Variants in DENND1B observed in about 807,000 individuals in gnomAD.
DENND1B encodes DENN domain containing 1B.
DENND1B carries 59 observed loss-of-function variants against 90.1 expected under a neutral mutation model. The observed-to-expected ratio is 0.65, with a 90% CI of 0.53 to 0.81. The LOEUF (loss-of-function observed/expected upper bound fraction) is 0.81. DENND1B is among the 40% of genes least tolerant of loss of function. The pLI is 0.00. For missense variants in DENND1B, 862 were observed against 912.6 expected, an observed-to-expected ratio of 0.94 and a Z score of 0.71; for synonymous variants, 337 against 324.6, an observed-to-expected ratio of 1.04 and a Z score of -0.41.
chr1:197,555,940 C>T (rs1331991117), intron 15 of DENND1B, among the ~76,000 whole-genome samples: 1 of 152,080 alleles, frequency 6.6e-6, no homozygotes, highest in Non-Finnish European at 1.5e-5. Flanking sequence ...ATAGCAAAGA[C>T]ATGGATTCAA....
chr1:197,518,473 GA>G (rs1558194183), intron 20 of DENND1B, among the ~76,000 whole-genome samples: 1 of 151,862 alleles, frequency 6.6e-6, no homozygotes, highest in African/African-American at 2.4e-5. Context: ...CCTTTTTCTA[GA>G]AAACCAGGAA....
chr1:197,700,566 G>A (rs920233028), intron 3 of DENND1B, among the ~76,000 whole-genome samples: 3 of 151,986 alleles, frequency 2.0e-5, no homozygotes, highest in Non-Finnish European at 2.9e-5. Context: ...AAGACTTCAT[G>A]ACAAAAACAA....
intron 3 of DENND1B, among the ~76,000 whole-genome samples, chr1:197,694,445 T>C (rs975830901): frequency 6.6e-6 from 1 of 151,464 alleles, no homozygotes; most frequent in African/African-American, 2.4e-5. Flanking sequence ...AAAGATAAAT[T>C]TGAAATGCAA....
At chr1:197,766,243 A>C (rs906859829) in intron 2 of DENND1B, among the ~76,000 whole-genome samples, 2 of 152,062 alleles carry the variant, frequency 1.3e-5, no homozygotes, top group African/African-American at 4.8e-5. Context: ...TCACAGTTTC[A>C]TTTTCTTCAA....
At chr1:197,632,742 C>G (rs1315859192) in intron 10 of DENND1B, among the ~76,000 whole-genome samples, 3 of 152,164 alleles carry the variant, frequency 2.0e-5, no homozygotes, top group Non-Finnish European at 4.4e-5. Flanking sequence ...TCCTATTTAA[C>G]AGAAGAATGC....
intron 15 of DENND1B, among the ~76,000 whole-genome samples, chr1:197,563,535 T>G (rs1455736372): frequency 6.6e-6 from 1 of 151,880 alleles, no homozygotes; most frequent in Non-Finnish European, 1.5e-5. Flanking sequence ...AAACAAAGAC[T>G]CCTTTCAAAA....
intron 4 of DENND1B, among the ~76,000 whole-genome samples, chr1:197,672,397 T>C (rs1655605446): frequency 6.6e-6 from 1 of 151,998 alleles, no homozygotes; most frequent in Non-Finnish European, 1.5e-5. Context: ...CACTAGGAAA[T>C]CATAAGGTAG....
intron 2 of DENND1B, among the ~76,000 whole-genome samples, chr1:197,733,443 G>A (rs1458049845): frequency 6.6e-6 from 1 of 152,090 alleles, no homozygotes; most frequent in African/African-American, 2.4e-5. Context: ...TTATTTTACG[G>A]TCAGAGGTTA....
intron 15 of DENND1B, among the ~76,000 whole-genome samples, chr1:197,580,220 T>G (rs1366374526): frequency 6.7e-6 from 1 of 149,336 alleles, no homozygotes; most frequent in African/African-American, 2.5e-5. Flanking sequence ...GCCTCCCAAG[T>G]AGCTGGGATT....
chr1:197,697,646 C>T (rs965444174), intron 3 of DENND1B, among the ~76,000 whole-genome samples: 1 of 151,806 alleles, frequency 6.6e-6, no homozygotes, highest in Admixed American at 6.6e-5. Flanking sequence ...ATAGTCAAGA[C>T]CCACTGGTGT....
intron 10 of DENND1B, among the ~76,000 whole-genome samples, chr1:197,637,387 A>G (rs538575707): frequency 4.7e-4 from 71 of 152,344 alleles, no homozygotes; most frequent in Non-Finnish European, 8.1e-4. Context: ...AAAATTCTTC[A>G]TTGTGAATTA....
intron 3 of DENND1B, chr1:197,689,217 G>C (rs1358829187): frequency 6.6e-6 from 1 of 152,088 alleles, no homozygotes; most frequent in Non-Finnish European, 1.5e-5. Flanking sequence ...GAAGGCGAGG[G>C]AGGAACAAAG....
In DENND1B at chr1:197,715,047, T is replaced by C. The variant is rs760003500; in HGVS notation, c.110A>G (p.Glu37Gly). 6 of 1,611,312 alleles carry C rather than the reference T, an allele frequency of 3.7e-6. No homozygotes were observed. In the African/African-American group the frequency reaches 8.0e-5, roughly 22 times the overall value. The change falls in exon 3 of 23, where the codon GAG becomes GGG. Residue 37 changes from glutamate to glycine, a missense_variant. Physicochemically the swap from Glu to Gly is moderately conservative, Grantham distance 98. Coordinates refer to ENST00000620048, the MANE Select transcript of DENND1B (RefSeq NM_001195215.2). The part of the protein sequence containing the change: ...EDPVVLWKFP[E>G]DFGDQEILQS... Reference sequence around the variant, plus strand: ...GGTACCAACCTGGTCTCCAAAGTCCTCTGGGAATTTCCACAATACCACAGG... The same window carrying C: ...GGTACCAACCTGGTCTCCAAAGTCCCCTGGGAATTTCCACAATACCACAGG...
intron 20 of DENND1B, among the ~76,000 whole-genome samples, chr1:197,527,629 C>T (rs998385530): frequency 2.0e-5 from 3 of 152,048 alleles, no homozygotes; most frequent in African/African-American, 7.2e-5. Flanking sequence ...AACATTTCAG[C>T]TTGATAACAG....
intron 15 of DENND1B, among the ~76,000 whole-genome samples, chr1:197,581,744 G>A (rs1019924009): frequency 9.9e-5 from 15 of 152,132 alleles, no homozygotes; most frequent in African/African-American, 3.6e-4. Context: ...AGTTACAGAA[G>A]TTCATGATCA....
chr1:197,597,175 T>G (rs1412716003), intron 13 of DENND1B, among the ~76,000 whole-genome samples: 1 of 151,834 alleles, frequency 6.6e-6, no homozygotes, highest in Non-Finnish European at 1.5e-5. Context: ...AAATGCATAT[T>G]TTTTGGTAAC....
rs1443067648 is a variant in DENND1B at position 197,595,336 on chromosome 1, G to A, written c.922-3C>T. ...AGTTTATTTTTCAAGGCCGAGACCT[G>A]CATGACAGAGAGGAACAGTTAAATT... is the stretch of plus-strand genomic sequence containing the variant. On this transcript the variant is annotated splice_polypyrimidine_tract_variant and splice_region_variant and intron_variant, in intron 13 of 22. Coordinates refer to ENST00000620048, the MANE Select transcript of DENND1B (RefSeq NM_001195215.2). 1.2e-6 allele frequency: 2 copies of A among 1,611,014 alleles called. No individual in the cohort carries two copies. The highest frequency in any genetic ancestry group is 1.7e-6 in the Non-Finnish European group (2 of 1,178,462).
At chr1:197,591,274 G>A (rs983627202) in intron 14 of DENND1B, among the ~76,000 whole-genome samples, 16 of 152,160 alleles carry the variant, frequency 1.1e-4, no homozygotes, top group African/African-American at 2.4e-4. Context: ...GGGGATGGGG[G>A]CAGGGCACAT....
At chr1:197,621,063 C>T (rs1678113689) in intron 10 of DENND1B, among the ~76,000 whole-genome samples, 1 of 151,156 alleles carries the variant, frequency 6.6e-6, no homozygotes, top group Admixed American at 6.6e-5. Context: ...TGAGAACATG[C>T]TTGGCATCTT....
Sources: allele counts gnomAD v4.1 joint callset (sites outside exome capture counted in the v4.1 genomes callset), GRCh38; gene constraint gnomAD v4.1.1; transcripts MANE v1.5; gene names NCBI Gene and HGNC (gene_info 2026-07-23, HGNC 2026-07-21).